KRT39: variants seen among roughly 807,000 people sequenced by gnomAD.
KRT39 encodes keratin, type I cytoskeletal 39.
Under a neutral mutation model 54.8 loss-of-function variants are expected in KRT39, and 47 were observed. The observed-to-expected ratio is 0.86, with a 90% CI of 0.68 to 1.09. The LOEUF is 1.09. Among genes scored for constraint, KRT39 ranks in the 50% least tolerant of loss-of-function variants. The pLI, the probability that KRT39 is intolerant of heterozygous loss-of-function variation, is 0.00. For missense variants in KRT39, 580 were observed against 598.5 expected (o/e 0.97, Z 0.32); for synonymous variants, 207 against 227.9 (o/e 0.91, Z 0.83).
Position 40,962,459 on chromosome 17 carries a change from T to G in KRT39, c.813A>C (p.Gln271His). ...GGTTTGTCTCCATGATGGGCTCATA[T>G]TGACATCTCATTTCTTGTAGAACCT... ...LNQVLQEMRC[Q>H]YEPIMETNRK... The change falls in exon 4 of 7, where the codon CAA (glutamine) becomes CAC (histidine). Residue 271 changes from glutamine (Q) to histidine (H), a missense_variant. Transcript: ENST00000355612. The G allele has an allele frequency of 6.2e-7, 1 of 1,614,232 alleles. No individual in the cohort carries two copies. The highest frequency in any genetic ancestry group is 8.5e-7 in the Non-Finnish European group (1 of 1,180,032).
chr17:40,963,755 G>A lies in KRT39; in HGVS notation c.580C>T (p.Leu194=), dbSNP rs1911250825. The part of the protein sequence containing the change: ...KYEAEVSLRQ[L]VESDANGLKQ... ...AGGCCATTGGCATCTGACTCTACCAGCTGGCGTAGAGACACCTCAGCTTCG... is the reference window on the plus strand; with the variant it reads ...AGGCCATTGGCATCTGACTCTACCAACTGGCGTAGAGACACCTCAGCTTCG... Residue 194 remains leucine (L), a synonymous_variant, in exon 3 of 7, where the codon CTG becomes TTG. Transcript: ENST00000355612. 1 of 1,601,742 alleles carries A rather than the reference G, an allele frequency of 6.2e-7. No individual in the cohort carries two copies. The highest frequency in any genetic ancestry group is 1.3e-5 in the African/African-American group (1 of 74,732).
At chr17:40,960,729 C>T in intron 5 of KRT39, 2 of 577,686 alleles carry the variant, frequency 3.5e-6, no homozygotes, top group Non-Finnish European at 6.1e-6. Context: ...TTTTGCTTCT[C>T]TGTAAGTATT....
At position 40,958,520 on chromosome 17, in the gene KRT39, G is replaced by T; in HGVS notation, c.*81C>A. 23 of 1,481,232 alleles carry T rather than the reference G, an allele frequency of 1.6e-5. No homozygotes were observed. The highest frequency in any genetic ancestry group is 2.1e-5 in the Non-Finnish European group (23 of 1,102,094). 91.8% of individuals were successfully genotyped at this position (1,481,232 alleles called of 1,614,324 possible). A position where few individuals can be genotyped will look rare whatever the true frequency, so the allele number is the denominator to read the frequency against. On this transcript the variant is annotated 3_prime_UTR_variant, in exon 7 of 7. Coordinates refer to ENST00000355612, the MANE Select transcript of KRT39 (RefSeq NM_213656.4). ...AAACTAAGTACCTTAAGGGACTGGG[G>T]AGTTTTCTTAAACCTCTCTGGCAGG...
Position 40,958,606 on chromosome 17 carries a change from CT to C in KRT39, c.1470del (p.Val491SerfsTer6). On this transcript the variant is annotated frameshift_variant, in exon 7 of 7. Coordinates refer to ENST00000355612, the MANE Select transcript of KRT39 (RefSeq NM_213656.4). LOFTEE classifies it high-confidence loss of function. ...VQPCFIIRPA[K>X]V ...ATTTTCATCACCTTGGGATGTTAGA[CT>C]TTGGCAGGTCTGATGATGAAACAAG... is the stretch of plus-strand genomic sequence containing the variant. 6.2e-7 allele frequency: 1 copy of C among 1,604,922 alleles called. No individual in the cohort carries two copies. Among genetic ancestry groups the C allele is most frequent in the African/African-American group, 1.3e-5 (1 of 74,800 alleles).
rs569338906 is a variant in KRT39, at chr17:40,961,108, C to T, written c.997-607G>A. On this transcript the variant is annotated intron_variant, in intron 5 of 6. Coordinates refer to ENST00000355612, the MANE Select transcript of KRT39 (RefSeq NM_213656.4). ...TCGTGCCACTGCTGTCCAGTCTGGG[C>T]GACAGAGTGAGACTCCATCTCAAAA... 9.0e-4 allele frequency among the ~76,000 whole-genome samples: 131 copies of T among 145,816 alleles called. 1 individual carries two copies. Among genetic ancestry groups the T allele is most frequent in the African/African-American group, 3.1e-3 (122 of 38,782 alleles).
chr17:40,965,932 GAGTGC>G (rs1156302933), intron 1 of KRT39, among the ~76,000 whole-genome samples: 1 of 152,098 alleles, frequency 6.6e-6, no homozygotes, highest in Non-Finnish European at 1.5e-5. Flanking sequence ...GTCTGGGCTG[GAGTGC>G]AGTGGCAGGA....
chr17:40,962,621 T>C, intron 3 of KRT39, 58 bp from the exon 4 acceptor site: 1 of 1,450,686 alleles, frequency 6.9e-7, no homozygotes, highest in East Asian at 2.3e-5. Flanking sequence ...CTTTGTGTTC[T>C]TGTTTCACTC....
intron 2 of KRT39, 89 bp from the exon 3 acceptor site, chr17:40,963,872 G>T: frequency 1.0e-6 from 1 of 971,514 alleles, no homozygotes; most frequent in Non-Finnish European, 1.5e-6. Flanking sequence ...TTTTGCTCTG[G>T]GCACCTCACT....
At chr17:40,962,963 G>C (rs944494990) in intron 3 of KRT39, among the ~76,000 whole-genome samples, 2 of 152,198 alleles carry the variant, frequency 1.3e-5, no homozygotes, top group Non-Finnish European at 2.9e-5. Flanking sequence ...GCAGAAGCCT[G>C]TATAGGGATG....
In KRT39 at chr17:40,958,602, T is replaced by C. The variant is rs1186082005; in HGVS notation, c.1475A>G (p.Ter492=). 1.2e-6 allele frequency: 2 copies of C among 1,603,682 alleles called. No homozygotes were observed. Among genetic ancestry groups the C allele is most frequent in the Non-Finnish European group, 8.5e-7 (1 of 1,174,890 alleles). ...PCFIIRPAKV[*] Reference sequence around the variant, plus strand: ...GGTCATTTTCATCACCTTGGGATGTTAGACTTTGGCAGGTCTGATGATGAA... The same window carrying C: ...GGTCATTTTCATCACCTTGGGATGTCAGACTTTGGCAGGTCTGATGATGAA... The change falls in exon 7 of 7, where the codon TAA becomes TGA. Residue 492 remains the stop codon, a stop_retained_variant. Transcript: ENST00000355612.
rs752047814 is a variant in KRT39 at position 40,963,753 on chromosome 17, CA to C, written c.581del (p.Leu194ArgfsTer2). On this transcript the variant is annotated frameshift_variant, in exon 3 of 7. Coordinates refer to ENST00000355612, the MANE Select transcript of KRT39 (RefSeq NM_213656.4). LOFTEE classifies it high-confidence loss of function. ...KYEAEVSLRQ[L>X]VESDANGLKQ... ...TGAGGCCATTGGCATCTGACTCTAC[CA>C]GCTGGCGTAGAGACACCTCAGCTTC... is the stretch of plus-strand genomic sequence containing the variant. 341 of 1,602,846 alleles carry C rather than the reference CA, an allele frequency of 2.1e-4. No individual in the cohort carries two copies. The highest frequency in any genetic ancestry group is 2.8e-4 in the Non-Finnish European group (328 of 1,171,318).
At chr17:40,966,362 G>A (rs193138204) in intron 1 of KRT39, 27 bp downstream of exon 1, 16 of 1,503,426 alleles carry the variant, frequency 1.1e-5, no homozygotes, top group African/African-American at 1.4e-5. Context: ...TTCACAACAC[G>A]ATTAAACAGG....
intron 5 of KRT39, among the ~76,000 whole-genome samples, chr17:40,961,224 A>C (rs1039566656): frequency 6.6e-6 from 1 of 152,172 alleles, no homozygotes; most frequent in African/African-American, 2.4e-5. Flanking sequence ...ACCATATACA[A>C]TTTATCCACC....
At chr17:40,965,764 G>A (rs187021688) in intron 1 of KRT39, among the ~76,000 whole-genome samples, 6 of 152,136 alleles carry the variant, frequency 3.9e-5, no homozygotes, top group Admixed American at 3.3e-4. Context: ...TCTGATCTCT[G>A]TTTCCCTATT....
chr17:40,961,619 A>T (rs113638255), intron 5 of KRT39, among the ~76,000 whole-genome samples: 2,533 of 152,258 alleles, frequency 0.017, 74 homozygotes, highest in African/African-American at 0.057. Context: ...ATGTCTCAGG[A>T]TCTCAGTGTC....
rs1910992248 is a variant in KRT39, at chr17:40,958,488, T to C, written c.*113A>G. 8.3e-7 allele frequency: 1 copy of C among 1,199,004 alleles called. No homozygotes were observed. Among genetic ancestry groups the C allele is most frequent in the South Asian group, 1.6e-5 (1 of 62,002 alleles). 74.3% of individuals were successfully genotyped at this position (1,199,004 alleles called of 1,614,324 possible). ...ACCTAGCAATGGGGACCCGCTGTAG[T>C]AGTAAGAAACTAAGTACCTTAAGGG... is the stretch of plus-strand genomic sequence containing the variant. On this transcript the variant is annotated 3_prime_UTR_variant, in exon 7 of 7. Transcript: ENST00000355612.
Position 40,960,308 on chromosome 17 carries a change from C to T in KRT39, c.1190G>A (p.Arg397His), listed in dbSNP as rs756993155. ...GCCATCCGAGCTCTCCAGAAGGCTG[C>T]GGTATGTGGTAATCTCACATTCCAG... ...SRLECEITTY[R>H]SLLESSDGKR... The change falls in exon 6 of 7, where the codon CGC becomes CAC. Residue 397 changes from arginine (R) to histidine (H), a missense_variant. Arg to His is a conservative substitution (Grantham distance 29, BLOSUM62 0). Transcript: ENST00000355612. The T allele has an allele frequency of 1.8e-5, 29 of 1,613,196 alleles. No homozygotes were observed. Among genetic ancestry groups the T allele is most frequent in the African/African-American group, 2.7e-5 (2 of 74,978 alleles).
intron 6 of KRT39, among the ~76,000 whole-genome samples, chr17:40,959,651 A>C (rs1026342349): frequency 2.2e-4 from 34 of 152,214 alleles, no homozygotes; most frequent in African/African-American, 7.5e-4. Flanking sequence ...TCTCCTTTGC[A>C]ATTGTAACTA....
At chr17:40,964,831 G>A (rs1911302854) in intron 1 of KRT39, among the ~76,000 whole-genome samples, 1 of 152,146 alleles carries the variant, frequency 6.6e-6, no homozygotes, top group Admixed American at 6.5e-5. Context: ...GGGAGGCTGA[G>A]GCGGGCGGAT....
Sources: allele counts gnomAD v4.1 joint callset (sites outside exome capture counted in the v4.1 genomes callset), GRCh38; gene constraint gnomAD v4.1.1; transcripts MANE v1.5; gene names NCBI Gene and HGNC (gene_info 2026-07-23, HGNC 2026-07-21).